LRRC9: variants seen among roughly 807,000 people sequenced by gnomAD.
The protein encoded by LRRC9 is leucine rich repeat containing 9.
LRRC9 carries 122 observed loss-of-function variants against 63.2 expected under a neutral mutation model. The ratio of observed to expected loss-of-function variants is 1.93; its 90% CI spans 1.67 to 2.24. The LOEUF is 2.24. LRRC9 is among the 30% of genes most tolerant of loss of function. The probability of loss-of-function intolerance (pLI) is 0.00; values close to 1 mark genes in which losing one functional copy is unlikely to be tolerated. For missense variants in LRRC9, 1,071 were observed against 627.7 expected (o/e 1.71, Z -7.55); for synonymous variants, 366 against 213.1 (o/e 1.72, Z -6.25).
chr14:60,042,846 CTG>C lies in LRRC9; in HGVS notation c.3991-10218_3991-10217del. Among the ~76,000 whole-genome samples, 1 of 152,324 alleles carries C rather than the reference CTG, an allele frequency of 6.6e-6. No homozygotes were observed. Among genetic ancestry groups the C allele is most frequent in the Middle Eastern group, 3.4e-3 (1 of 294 alleles). On this transcript the variant is annotated intron_variant, in intron 29 of 31. Transcript: ENST00000445360. The surrounding 1 kb of genome is among the most constrained non-coding windows in gnomAD (Gnocchi z 4.2). ...TGTCGCTCACACTGGGAGCTGTAGA[CTG>C]GAGCTGTTCCTATTAGGCCATCTTG...
At position 59,931,615 on chromosome 14, in the gene LRRC9, T is replaced by C; in HGVS notation, c.409-4T>C. 1.4e-6 allele frequency: 1 copy of C among 697,258 alleles called. No individual in the cohort carries two copies. The highest frequency in any genetic ancestry group is 1.5e-5 in the South Asian group (1 of 66,526). 43.2% of individuals were successfully genotyped at this position (697,258 alleles called of 1,614,324 possible). ...TCTAAATAATATGTTGTCTAAATTTTTAGGGTTTGCAAACTTTGAAGAATT... is the reference window on the plus strand; with the variant it reads ...TCTAAATAATATGTTGTCTAAATTTCTAGGGTTTGCAAACTTTGAAGAATT... On this transcript the variant is annotated splice_region_variant and splice_polypyrimidine_tract_variant and intron_variant, in intron 4 of 31. Coordinates refer to ENST00000445360, the Ensembl canonical transcript of LRRC9.
At chr14:59,961,016 T>C (rs1211049271) in exon 10 of LRRC9, 2 of 691,858 alleles carry the variant, frequency 2.9e-6, no homozygotes, top group Non-Finnish European at 5.3e-6. Flanking sequence ...GAAATTTCCA[T>C]TTTGAAGAAG....
At chr14:59,982,923 G>T (rs1887083302) in intron 16 of LRRC9, among the ~76,000 whole-genome samples, 1 of 152,116 alleles carries the variant, frequency 6.6e-6, no homozygotes, top group African/African-American at 2.4e-5. Context: ...TAAGCTTCTA[G>T]AATTAATCAA....
chr14:60,056,973 G>A (rs1041856591), intron 30 of LRRC9, among the ~76,000 whole-genome samples: 9 of 152,166 alleles, frequency 5.9e-5, no homozygotes, highest in Non-Finnish European at 1.2e-4. Flanking sequence ...CAGCATTCCA[G>A]ATTAGTGATG....
chr14:59,937,195 TAAA>T (rs755193026), intron 6 of LRRC9, among the ~76,000 whole-genome samples: 9 of 89,464 alleles, frequency 1.0e-4, no homozygotes, highest in Admixed American at 1.3e-4. Flanking sequence ...ATGTTTTCTG[TAAA>T]AAAAAAAAAA....
rs943290210 is a variant in LRRC9, at chr14:60,060,314, G to A, written c.4276+2292G>A. ...CACCTAGTCACCTAATAACTCTGATGGAGAAGTACAAGGAGATGAATGTTG... is the reference window on the plus strand; with the variant it reads ...CACCTAGTCACCTAATAACTCTGATAGAGAAGTACAAGGAGATGAATGTTG... On this transcript the variant is annotated intron_variant, in intron 31 of 31. Coordinates refer to ENST00000445360, the Ensembl canonical transcript of LRRC9. This position sits in a 1 kb window ranked among gnomAD's most constrained non-coding sequence, Gnocchi z 4.0. Among the ~76,000 whole-genome samples the A allele has an allele frequency of 1.3e-5, 2 of 152,172 alleles. No individual in the cohort carries two copies. Among genetic ancestry groups the A allele is most frequent in the Non-Finnish European group, 2.9e-5 (2 of 68,030 alleles).
chr14:60,031,867 C>T lies in LRRC9; in HGVS notation c.3922-128C>T. 1 of 595,612 alleles carries T rather than the reference C, an allele frequency of 1.7e-6. No individual in the cohort carries two copies. The highest frequency in any genetic ancestry group is 3.0e-6 in the Non-Finnish European group (1 of 335,738). The allele number at this position is 595,612 out of a possible 1,614,324, so 36.9% of individuals were successfully genotyped here. ...AGAATACAGAATACTGTCACTCAAGCTCACTTCAGAGAATTCAATCATGAG... is the reference window on the plus strand; with the variant it reads ...AGAATACAGAATACTGTCACTCAAGTTCACTTCAGAGAATTCAATCATGAG... On this transcript the variant is annotated intron_variant, in intron 28 of 31. Coordinates refer to ENST00000445360, the Ensembl canonical transcript of LRRC9. The surrounding 1 kb of genome is among the most constrained non-coding windows in gnomAD (Gnocchi z 4.6).
At chr14:59,995,817 A>G (rs1425525289) in intron 17 of LRRC9, among the ~76,000 whole-genome samples, 1 of 151,986 alleles carries the variant, frequency 6.6e-6, no homozygotes, top group Non-Finnish European at 1.5e-5. Flanking sequence ...ATCTTGGCTC[A>G]CTGCAACCTC....
At chr14:60,057,014 G>C (rs144336587) in intron 30 of LRRC9, among the ~76,000 whole-genome samples, 1 of 152,086 alleles carries the variant, frequency 6.6e-6, no homozygotes, top group Non-Finnish European at 1.5e-5. Flanking sequence ...AATTCGTTAG[G>C]GAATTTAGGA....
Position 60,060,651 on chromosome 14 carries a change from G to C in LRRC9, c.4276+2629G>C, listed in dbSNP as rs563366314. ...AGCTACTCGGGAGGCTGAGTCAAGA[G>C]AATGGCATGAACCTGGGAGGCGGAG... is the stretch of plus-strand genomic sequence containing the variant. On this transcript the variant is annotated intron_variant, in intron 31 of 31. Transcript: ENST00000445360. The surrounding 1 kb of genome is among the most constrained non-coding windows in gnomAD (Gnocchi z 4.0). Among the ~76,000 whole-genome samples, 1 of 152,256 alleles carries C rather than the reference G, an allele frequency of 6.6e-6. No individual in the cohort carries two copies. Among genetic ancestry groups the C allele is most frequent in the South Asian group, 2.1e-4 (1 of 4,824 alleles).
At chr14:60,020,350 T>C (rs1410346033) in intron 26 of LRRC9, among the ~76,000 whole-genome samples, 1 of 151,938 alleles carries the variant, frequency 6.6e-6, no homozygotes, top group African/African-American at 2.4e-5. Context: ...TATTTATGCA[T>C]TTATCATTGA....
exon 24 of LRRC9, chr14:60,016,717 A>G (rs1176777000): frequency 2.9e-6 from 2 of 701,568 alleles, no homozygotes; most frequent in South Asian, 3.0e-5. Context: ...TACTTCTGAC[A>G]TGATTGCAGA....
chr14:60,045,932 G>C (rs1348898844), intron 29 of LRRC9, among the ~76,000 whole-genome samples: 1 of 151,862 alleles, frequency 6.6e-6, no homozygotes, highest in Non-Finnish European at 1.5e-5. Flanking sequence ...TCACCAGCAT[G>C]TCGTTTTTTG....
At chr14:60,025,257 A>C (rs984906240) in intron 27 of LRRC9, among the ~76,000 whole-genome samples, 1 of 150,854 alleles carries the variant, frequency 6.6e-6, no homozygotes, top group African/African-American at 2.4e-5. Context: ...TGCCTGGCTA[A>C]TTTTTTAATT....
At chr14:59,925,490 G>T (rs1027628345) in intron 1 of LRRC9, among the ~76,000 whole-genome samples, 7 of 152,176 alleles carry the variant, frequency 4.6e-5, no homozygotes, top group Non-Finnish European at 2.9e-5. Context: ...AATGCCATTT[G>T]GAAGGGGAGG....
intron 8 of LRRC9, 124 bp from the exon 9 acceptor site, chr14:59,959,694 C>T (rs895027571): frequency 2.5e-5 from 12 of 484,762 alleles, no homozygotes; most frequent in East Asian, 1.3e-4. Flanking sequence ...CCTAGATTTC[C>T]ACTTTGTTCA....
chr14:59,998,136 A>G (rs1197582415), intron 18 of LRRC9, among the ~76,000 whole-genome samples: 1 of 152,060 alleles, frequency 6.6e-6, no homozygotes, highest in Non-Finnish European at 1.5e-5. Context: ...ACCTCCAGAT[A>G]TTTTATATAG....
At chr14:60,030,147 A>G (rs1394406038) in intron 28 of LRRC9, 3 of 152,114 alleles carry the variant, frequency 2.0e-5, no homozygotes, top group Non-Finnish European at 2.9e-5. Flanking sequence ...TCAGATTGCA[A>G]ACTTTGGGTT....
chr14:59,993,212 A>T (rs571696419), intron 17 of LRRC9, among the ~76,000 whole-genome samples: 1 of 152,304 alleles, frequency 6.6e-6, no homozygotes, highest in Non-Finnish European at 1.5e-5. Flanking sequence ...AGCCAAACTA[A>T]GCTTCATAAG....
Sources: allele counts gnomAD v4.1 joint callset (sites outside exome capture counted in the v4.1 genomes callset), GRCh38; gene constraint gnomAD v4.1.1; non-coding constraint Gnocchi (gnomAD v3.1); transcripts MANE v1.5; gene names NCBI Gene and HGNC (gene_info 2026-07-23, HGNC 2026-07-21).